Variants in GAS2 observed in about 807,000 individuals in gnomAD.
GAS2 encodes the protein growth arrest-specific protein 2.
A neutral mutation model predicts 37.5 loss-of-function variants in GAS2; 20 were observed. The observed-to-expected ratio is 0.53, with a 90% CI of 0.37 to 0.77. GAS2 has a LOEUF of 0.77. Ranked by LOEUF, GAS2 falls within the 30% of genes least tolerant of loss-of-function variation. The pLI, the probability that GAS2 is intolerant of heterozygous loss-of-function variation, is 0.00. For synonymous variants in GAS2, 144 were observed against 132.2 expected, an observed-to-expected ratio of 1.09 and a Z score of -0.61; for missense variants, 336 against 373.4, an observed-to-expected ratio of 0.90 and a Z score of 0.82.
intron 7 of GAS2, among the ~76,000 whole-genome samples, chr11:22,769,163 A>G (rs1341620076): frequency 6.6e-6 from 1 of 152,176 alleles, no homozygotes; most frequent in Non-Finnish European, 1.5e-5. Flanking sequence ...GCGTTGCCCA[A>G]GGAGGCACTT....
At chr11:22,746,119 C>T (rs1853387838) in intron 5 of GAS2, among the ~76,000 whole-genome samples, 1 of 152,110 alleles carries the variant, frequency 6.6e-6, no homozygotes, top group Non-Finnish European at 1.5e-5. Flanking sequence ...GAGGTCAAGG[C>T]TGCAGTGAGC....
chr11:22,706,925 G>A (rs1851153782), intron 3 of GAS2, among the ~76,000 whole-genome samples: 1 of 152,044 alleles, frequency 6.6e-6, no homozygotes, highest in South Asian at 2.1e-4. Flanking sequence ...CTTCCACAAT[G>A]GTTGAACTAG....
Position 22,637,484 on chromosome 11 carries a change from TTAATTATATTAATAGTA to T in GAS2, c.-21+11674_-21+11690del. 2.6e-3 allele frequency among the ~76,000 whole-genome samples: 2 copies of T among 778 alleles called. 1 individual carries two copies. Among genetic ancestry groups the T allele is most frequent in the African/African-American group, 7.4e-3 (2 of 270 alleles). 0.5% of individuals were successfully genotyped at this position (778 alleles called of 152,430 possible). A position where few individuals can be genotyped will look rare whatever the true frequency, so the allele number is the denominator to read the frequency against. ...TATTAATAGTATACTTAATATAATA[TTAATTATATTAATAGTA>T]TACTTAATATAATATTAATTATATT... is the stretch of plus-strand genomic sequence containing the variant. On this transcript the variant is annotated intron_variant, in intron 1 of 5. Transcript: ENST00000528582.
At chr11:22,778,198 C>T (rs1855362795) in intron 7 of GAS2, among the ~76,000 whole-genome samples, 1 of 152,118 alleles carries the variant, frequency 6.6e-6, no homozygotes, top group South Asian at 2.1e-4. Context: ...GCTATATAAC[C>T]TTGATCAAGT....
At chr11:22,681,425 C>A (rs556832241) in intron 2 of GAS2, among the ~76,000 whole-genome samples, 1 of 152,062 alleles carries the variant, frequency 6.6e-6, no homozygotes, top group Non-Finnish European at 1.5e-5. Context: ...ATTAATCATG[C>A]GAAGATCAAA....
chr11:22,769,956 T>C (rs1014441449), intron 7 of GAS2, among the ~76,000 whole-genome samples: 2 of 152,158 alleles, frequency 1.3e-5, no homozygotes, highest in African/African-American at 4.8e-5. Flanking sequence ...GCATGGAATA[T>C]TATGCAGCCA....
At chr11:22,769,560 A>T (rs1472153267) in intron 7 of GAS2, among the ~76,000 whole-genome samples, 6 of 152,188 alleles carry the variant, frequency 3.9e-5, no homozygotes, top group African/African-American at 1.4e-4. Flanking sequence ...AAGATAAAAG[A>T]GAAAGTAGCC....
intron 5 of GAS2, among the ~76,000 whole-genome samples, chr11:22,747,114 T>A (rs1460811613): frequency 1.3e-5 from 2 of 152,206 alleles, no homozygotes; most frequent in Admixed American, 1.3e-4. Flanking sequence ...AATACTTACA[T>A]GCTTTATTAA....
chr11:22,685,911 A>T, intron 3 of GAS2, 122 bp downstream of exon 3: 1 of 817,306 alleles, frequency 1.2e-6, no homozygotes, highest in Non-Finnish European at 1.8e-6. Context: ...ACTAACAACA[A>T]AGTACAGAGA....
At chr11:22,805,832 C>T (rs1229604952) in intron 7 of GAS2, among the ~76,000 whole-genome samples, 3 of 152,102 alleles carry the variant, frequency 2.0e-5, no homozygotes, top group Non-Finnish European at 2.9e-5. Context: ...ATGCCTCTCC[C>T]TTTTGGACCA....
At chr11:22,806,657 C>A (rs574921087) in intron 7 of GAS2, among the ~76,000 whole-genome samples, 2 of 152,286 alleles carry the variant, frequency 1.3e-5, no homozygotes, top group East Asian at 3.9e-4. Context: ...AAGCTTGAAA[C>A]CTTCAAACAG....
chr11:22,677,993 CTT>C (rs1849510733), intron 2 of GAS2, among the ~76,000 whole-genome samples: 1 of 151,784 alleles, frequency 6.6e-6, no homozygotes, highest in African/African-American at 2.4e-5. Context: ...CAAATTAAGA[CTT>C]TTTTAATGGT....
chr11:22,742,888 A>G (rs72988037), intron 5 of GAS2, among the ~76,000 whole-genome samples: 5,299 of 152,206 alleles, frequency 0.035, 199 homozygotes, highest in East Asian at 0.2. Context: ...CATATTTTCC[A>G]ATTCACCTAA....
At chr11:22,723,206 G>A (rs1422379773) in intron 3 of GAS2, among the ~76,000 whole-genome samples, 5 of 151,882 alleles carry the variant, frequency 3.3e-5, no homozygotes, top group Admixed American at 3.3e-4. Context: ...TTACCTAAAT[G>A]CCAAGTAGTT....
chr11:22,653,039 T>TTCTTTCTTTC (rs1415429424), intron 1 of GAS2, among the ~76,000 whole-genome samples: 14 of 139,850 alleles, frequency 1.0e-4, no homozygotes, highest in African/African-American at 1.8e-4. Context: ...TTCTTTCTCT[T>TTCTTTCTTTC]TCTTTCTTTC....
chr11:22,802,913 C>T (rs984559785), intron 7 of GAS2, among the ~76,000 whole-genome samples: 3 of 152,014 alleles, frequency 2.0e-5, no homozygotes, highest in African/African-American at 7.2e-5. Context: ...GTATTCAGTA[C>T]AGTAATTTGC....
intron 2 of GAS2, among the ~76,000 whole-genome samples, chr11:22,675,683 T>TC (rs373442161): frequency 0.62 from 94,358 of 151,328 alleles, 30,572 homozygotes; most frequent in East Asian, 0.82. Flanking sequence ...AGGATCATCA[T>TC]ATATAGCAGC....
chr11:22,785,121 G>A (rs554251049), intron 7 of GAS2, among the ~76,000 whole-genome samples: 1 of 152,178 alleles, frequency 6.6e-6, no homozygotes, highest in South Asian at 2.1e-4. Context: ...TGTGAGTCGT[G>A]GATGTTTTGT....
In GAS2 at chr11:22,718,577, T is replaced by G. The variant is rs190975785; in HGVS notation, c.268-7715T>G. ...ATGGGTACATTGTACACTGCTCAAGTGATGGGTGCACCGAAATCTCAGAAA... is the reference window on the plus strand; with the variant it reads ...ATGGGTACATTGTACACTGCTCAAGGGATGGGTGCACCGAAATCTCAGAAA... On this transcript the variant is annotated intron_variant, in intron 3 of 7. Coordinates refer to ENST00000454584, the MANE Select transcript of GAS2 (RefSeq NM_001143830.3). 5.8e-4 allele frequency among the ~76,000 whole-genome samples: 88 copies of G among 152,010 alleles called. 1 individual carries two copies. The highest frequency in any genetic ancestry group is 9.0e-4 in the Non-Finnish European group (61 of 67,958).
Sources: allele counts gnomAD v4.1 joint callset (sites outside exome capture counted in the v4.1 genomes callset), GRCh38; gene constraint gnomAD v4.1.1; transcripts MANE v1.5; gene names NCBI Gene and HGNC (gene_info 2026-07-23, HGNC 2026-07-21).